SHISA9: variants seen among roughly 807,000 people sequenced by gnomAD.
SHISA9 encodes the protein protein shisa-9.
Under a neutral mutation model 38.0 loss-of-function variants are expected in SHISA9, and 13 were observed. That is an observed-to-expected ratio of 0.34 (90% confidence interval 0.22 to 0.54). The LOEUF (loss-of-function observed/expected upper bound fraction) is 0.54, where lower values mean the gene tolerates loss of function less well. Ranked by LOEUF, SHISA9 falls within the 20% of genes least tolerant of loss-of-function variation. The pLI is 0.91. For synonymous variants in SHISA9, 275 were observed against 242.0 expected (o/e 1.14, Z -1.27); for missense variants, 538 against 575.8 (o/e 0.93, Z 0.67).
chr16:13,241,479 C>G (rs560238783), downstream of SHISA9, among the ~76,000 whole-genome samples: 1 of 152,238 alleles, frequency 6.6e-6, no homozygotes, highest in Non-Finnish European at 1.5e-5. Context: ...GCATTCCAGC[C>G]TGGGCAACAA....
At chr16:13,269,176 T>C in the SHISA9 span, among the ~76,000 whole-genome samples, 1 of 152,178 alleles carries the variant, frequency 6.6e-6, no homozygotes, top group South Asian at 2.1e-4. Context: ...TTGTCAATGT[T>C]TGAAAGCAAA....
intron 2 of SHISA9, among the ~76,000 whole-genome samples, chr16:13,121,845 A>G (rs1005295450): frequency 9.0e-5 from 9 of 100,110 alleles, no homozygotes; most frequent in African/African-American, 4.0e-4. Flanking sequence ...ACACACACAC[A>G]CACACACACA....
chr16:12,939,273 G>C (rs559391597), intron 2 of SHISA9, among the ~76,000 whole-genome samples: 2 of 152,048 alleles, frequency 1.3e-5, no homozygotes, highest in African/African-American at 4.8e-5. Context: ...TAGTAGAGAC[G>C]GGGTTTCACC....
intron 2 of SHISA9, among the ~76,000 whole-genome samples, chr16:13,047,183 G>A (rs1017650290): frequency 6.6e-6 from 1 of 152,080 alleles, no homozygotes; most frequent in Admixed American, 6.5e-5. Context: ...CAGGATCAGT[G>A]TTTTGAAAAT....
chr16:12,969,848 A>T (rs1201456969), intron 2 of SHISA9, among the ~76,000 whole-genome samples: 2 of 152,222 alleles, frequency 1.3e-5, no homozygotes, highest in African/African-American at 4.8e-5. Flanking sequence ...TTAAATCAGC[A>T]CGCAAAAAAG....
At chr16:13,376,341 T>G in the SHISA9 span, among the ~76,000 whole-genome samples, 2 of 152,236 alleles carry the variant, frequency 1.3e-5, no homozygotes, top group African/African-American at 4.8e-5. Flanking sequence ...TAGTCACTCC[T>G]GGAGCCTGAC....
the SHISA9 span, among the ~76,000 whole-genome samples, chr16:13,397,827 G>T: frequency 6.6e-6 from 1 of 152,326 alleles, no homozygotes; most frequent in African/African-American, 2.4e-5. Context: ...AGGGCTTTCT[G>T]TATCCCAGGG....
chr16:13,143,441 A>G (rs1407853679), intron 2 of SHISA9, among the ~76,000 whole-genome samples: 1 of 152,150 alleles, frequency 6.6e-6, no homozygotes, highest in African/African-American at 2.4e-5. Flanking sequence ...AGCAGTTACA[A>G]CAGAAGGTGA....
At chr16:13,210,414 G>A (rs904570131) in intron 3 of SHISA9, among the ~76,000 whole-genome samples, 13 of 151,940 alleles carry the variant, frequency 8.6e-5, no homozygotes, top group Admixed American at 2.6e-4. Context: ...AAAATGCTGC[G>A]TCACTTCATT....
At chr16:13,158,991 C>T (rs1185846387) in intron 2 of SHISA9, among the ~76,000 whole-genome samples, 1 of 148,476 alleles carries the variant, frequency 6.7e-6, no homozygotes, top group Non-Finnish European at 1.5e-5. Flanking sequence ...ACCCAGGAGG[C>T]GGAGGTTGCA....
chr16:13,041,788 C>T (rs1209929935), intron 2 of SHISA9, among the ~76,000 whole-genome samples: 1 of 152,186 alleles, frequency 6.6e-6, no homozygotes, highest in African/African-American at 2.4e-5. Context: ...ATTCCAGGAC[C>T]TCACTGCCAT....
the SHISA9 span, among the ~76,000 whole-genome samples, chr16:13,413,759 A>G: frequency 1.4e-4 from 1 of 6,982 alleles, no homozygotes; most frequent in African/African-American, 7.0e-4. Context: ...CTTCATCTCA[A>G]AAAAAAAAAA....
At chr16:13,088,575 AG>A (rs1214725949) in intron 2 of SHISA9, among the ~76,000 whole-genome samples, 1 of 152,122 alleles carries the variant, frequency 6.6e-6, no homozygotes, top group Non-Finnish European at 1.5e-5. Context: ...TCTTTGTAGC[AG>A]TTGTGAATGG....
At chr16:13,559,030 A>G in the SHISA9 span, among the ~76,000 whole-genome samples, 1 of 152,198 alleles carries the variant, frequency 6.6e-6, no homozygotes, top group Admixed American at 6.5e-5. Context: ...GATAATTATT[A>G]TTTGCCTTCC....
intron 2 of SHISA9, among the ~76,000 whole-genome samples, chr16:13,198,833 T>A (rs919598259): frequency 6.6e-6 from 1 of 152,214 alleles, no homozygotes; most frequent in Non-Finnish European, 1.5e-5. Flanking sequence ...TTTATGTGGT[T>A]CTTAATGTGA....
intron 2 of SHISA9, among the ~76,000 whole-genome samples, chr16:13,195,731 C>T (rs2142045357): frequency 6.6e-6 from 1 of 152,232 alleles, no homozygotes; most frequent in African/African-American, 2.4e-5. Context: ...TGTCACTTTA[C>T]CTCAGTGATT....
the SHISA9 span, among the ~76,000 whole-genome samples, chr16:13,546,774 G>A: frequency 6.6e-6 from 1 of 152,120 alleles, no homozygotes; most frequent in Non-Finnish European, 1.5e-5. Flanking sequence ...ACATGTTCAT[G>A]GCTGCTTTCT....
the SHISA9 span, among the ~76,000 whole-genome samples, chr16:13,325,968 G>T: frequency 6.6e-6 from 1 of 150,988 alleles, no homozygotes; most frequent in South Asian, 2.1e-4. Flanking sequence ...TTGAAACCTA[G>T]ATGACGGGTC....
At chr16:13,529,352 A>G in the SHISA9 span, among the ~76,000 whole-genome samples, 1 of 152,140 alleles carries the variant, frequency 6.6e-6, no homozygotes, top group Non-Finnish European at 1.5e-5. Flanking sequence ...CTCAACTTAA[A>G]CATTCCTTTC....
Sources: gnomAD v4.1 joint callset for allele counts (sites outside exome capture counted in the v4.1 genomes callset) on GRCh38, gnomAD v4.1.1 for gene constraint, MANE v1.5 for transcripts, NCBI Gene and HGNC (gene_info 2026-07-23, HGNC 2026-07-21) for gene names.